TET3: variants seen among roughly 807,000 people sequenced by gnomAD.
The protein encoded by TET3 is tet methylcytosine dioxygenase 3.
Under a neutral mutation model 141.4 loss-of-function variants are expected in TET3, and 19 were observed. The observed-to-expected ratio is 0.13, with a 90% CI of 0.09 to 0.20. The LOEUF is 0.20. TET3 is among the 10% of genes least tolerant of loss of function. TET3 has a pLI of 1.00. For missense variants in TET3, 1,874 were observed against 2,356.9 expected (o/e 0.80, Z 4.24); for synonymous variants, 1,043 against 980.9 (o/e 1.06, Z -1.18).
At position 74,046,315 on chromosome 2, in the gene TET3, C is replaced by A; in HGVS notation, c.398C>A (p.Pro133Gln). ...SELSPVDGPV[P>Q]GQMDSGPVYH... is the part of the protein sequence containing the mutation. ...CTCAGCCCAGTTGATGGACCTGTTC[C>A]AGGTCAGATGGACTCAGGGCCAGTG... is the stretch of plus-strand genomic sequence containing the variant. Residue 133 changes from proline to glutamine, a missense_variant, in exon 4 of 12, where the codon CCA becomes CAA. Physicochemically the swap from Pro to Gln is moderately conservative, Grantham distance 76. Coordinates refer to ENST00000409262, the MANE Select transcript of TET3 (RefSeq NM_001287491.2). The surrounding 1 kb of genome is among the most constrained non-coding windows in gnomAD (Gnocchi z 4.3). 1 of 1,517,204 alleles carries A rather than the reference C, an allele frequency of 6.6e-7. No homozygotes were observed. The highest frequency in any genetic ancestry group is 8.8e-7 in the Non-Finnish European group (1 of 1,134,372). The allele number at this position is 1,517,204 out of a possible 1,614,324, so 94.0% of individuals were successfully genotyped here. A position where few individuals can be genotyped will look rare whatever the true frequency, so the allele number is the denominator to read the frequency against.
the TET3 span, chr2:74,122,162 A>C: frequency 6.6e-6 from 1 of 152,192 alleles, no homozygotes; most frequent in Non-Finnish European, 1.5e-5. Flanking sequence ...GTACAAAAGA[A>C]ATCTTCAAAT....
the TET3 span, chr2:74,123,129 G>C: frequency 6.6e-6 from 1 of 152,272 alleles, no homozygotes; most frequent in East Asian, 1.9e-4. Flanking sequence ...GAAAATGAAG[G>C]TGCTGCGTGA....
Position 74,101,437 on chromosome 2 carries a change from C to T in TET3, c.4649C>T (p.Pro1550Leu). The change falls in exon 12 of 12, where the codon CCT (proline) becomes CTT (leucine). Residue 1550 changes from proline (P) to leucine (L), a missense_variant. Physicochemically the swap from Pro to Leu is moderately conservative, Grantham distance 98. This residue lies in a region of TET3 where 602 missense variants were observed against 590.2 expected (regional missense o/e 1.02). Transcript: ENST00000409262. This position sits in a 1 kb window ranked among gnomAD's most constrained non-coding sequence, Gnocchi z 8.5. Reference protein sequence around the residue: ...GDFNSALKGSPGFQDKLWNPM... With the variant: ...GDFNSALKGSLGFQDKLWNPM... ...TTCAACTCGGCCCTGAAAGGTAGTC[C>T]TGGGTTCCAAGACAAGCTGTGGAAC... 6.2e-7 allele frequency: 1 copy of T among 1,613,898 alleles called. No individual in the cohort carries two copies. Among genetic ancestry groups the T allele is most frequent in the Middle Eastern group, 1.7e-4 (1 of 6,060 alleles).
rs1691413037 is a variant in TET3, at chr2:74,104,834, T to C, written c.*2658T>C. The C allele has an allele frequency of 4.4e-6, 1 of 229,132 alleles. No individual in the cohort carries two copies. Among genetic ancestry groups the C allele is most frequent in the Admixed American group, 5.7e-5 (1 of 17,444 alleles). 14.2% of individuals were successfully genotyped at this position (229,132 alleles called of 1,614,324 possible). ...GTTCATCAGTTTCTGCAGTAGGAGA[T>C]AGGCTGCTGAGAGGTGAGTCAAGAG... On this transcript the variant is annotated 3_prime_UTR_variant, in exon 12 of 12. Coordinates refer to ENST00000409262, the MANE Select transcript of TET3 (RefSeq NM_001287491.2).
At chr2:74,057,729 T>G (rs1688292372) in intron 4 of TET3, among the ~76,000 whole-genome samples, 1 of 152,202 alleles carries the variant, frequency 6.6e-6, no homozygotes, top group Non-Finnish European at 1.5e-5. Flanking sequence ...AAGGAGCTAG[T>G]TGATCCAAAA....
chr2:74,007,726 G>A (rs1025329856), intron 3 of TET3, among the ~76,000 whole-genome samples: 6 of 152,212 alleles, frequency 3.9e-5, no homozygotes. Context: ...TTGGACTTCA[G>A]CTTTCTGGGT....
At chr2:74,001,576 G>A (rs1002703808) in intron 2 of TET3, among the ~76,000 whole-genome samples, 2 of 152,226 alleles carry the variant, frequency 1.3e-5, no homozygotes, top group Admixed American at 1.3e-4. Flanking sequence ...ACCAAAGTGT[G>A]TGGAAGTCGC....
rs1201940805 is a variant in TET3, at chr2:74,031,368, ACT to A, written c.361-14906_361-14905del. Among the ~76,000 whole-genome samples, 18 of 151,836 alleles carry A rather than the reference ACT, an allele frequency of 1.2e-4. No homozygotes were observed. The East Asian group carries it at 3.5e-3, about 29-fold the overall frequency. On this transcript the variant is annotated intron_variant, in intron 3 of 11. Coordinates refer to ENST00000409262, the MANE Select transcript of TET3 (RefSeq NM_001287491.2). ...CCCCGTGGCCTTCCTCATCACCCCGACTCTCAGAAACAGATAATGGTTGCGCA... is the reference window on the plus strand; with the variant it reads ...CCCCGTGGCCTTCCTCATCACCCCGACTCAGAAACAGATAATGGTTGCGCA...
intron 2 of TET3, among the ~76,000 whole-genome samples, chr2:73,997,296 T>C (rs1684642720): frequency 6.6e-6 from 1 of 152,210 alleles, no homozygotes; most frequent in East Asian, 1.9e-4. Context: ...GAGTTTTTCT[T>C]CTGGGGAGGA....
chr2:74,127,164 T>A, the TET3 span, among the ~76,000 whole-genome samples: 1 of 152,168 alleles, frequency 6.6e-6, no homozygotes, highest in Non-Finnish European at 1.5e-5. Context: ...AATGAGGGGA[T>A]CAGAAGCTGG....
intron 4 of TET3, among the ~76,000 whole-genome samples, chr2:74,060,129 G>T (rs1688425039): frequency 6.6e-6 from 1 of 152,210 alleles, no homozygotes; most frequent in African/African-American, 2.4e-5. Flanking sequence ...GCTCCCACCA[G>T]CATTGCTCCA....
At position 74,087,639 on chromosome 2, in the gene TET3, T is replaced by C. The variant is rs2104062514; in HGVS notation, c.2680-191T>C. 6.6e-6 allele frequency among the ~76,000 whole-genome samples: 1 copy of C among 152,348 alleles called. No individual in the cohort carries two copies. The highest frequency in any genetic ancestry group is 6.5e-5 in the Admixed American group (1 of 15,312). The stretch of plus-strand genomic sequence containing the variant: ...TGTTCCCTAACAAAACATTTGTTCC[T>C]AATAATGTTCCCTATTTGTTCCCTA... On this transcript the variant is annotated intron_variant, in intron 6 of 11. Transcript: ENST00000409262. The surrounding 1 kb of genome is among the most constrained non-coding windows in gnomAD (Gnocchi z 4.3).
intron 3 of TET3, among the ~76,000 whole-genome samples, chr2:74,040,964 G>A (rs534123504): frequency 2.2e-4 from 34 of 152,302 alleles, no homozygotes; most frequent in African/African-American, 8.2e-4. Flanking sequence ...GAGGGGAAAA[G>A]CGGAGGGTTT....
chr2:74,045,409 CAG>C (rs1687563789), intron 3 of TET3, among the ~76,000 whole-genome samples: 1 of 152,324 alleles, frequency 6.6e-6, no homozygotes, highest in East Asian at 1.9e-4. Flanking sequence ...TAGCATTCTA[CAG>C]TAAGGAAGAG....
the TET3 span, among the ~76,000 whole-genome samples, chr2:74,132,498 CTGCCTCAGCCTCCAGA>C: frequency 6.6e-6 from 1 of 152,202 alleles, no homozygotes; most frequent in Non-Finnish European, 1.5e-5. Flanking sequence ...AGTGATCCTG[CTGCCTCAGCCTCCAGA>C]GTTGCTAGGG....
At chr2:73,988,900 A>G (rs1194396080) in intron 2 of TET3, among the ~76,000 whole-genome samples, 1 of 148,656 alleles carries the variant, frequency 6.7e-6, no homozygotes. Context: ...GTGAAGGTGT[A>G]ATAGAAATTA....
intron 3 of TET3, among the ~76,000 whole-genome samples, chr2:74,008,884 C>T (rs1463224398): frequency 1.3e-5 from 2 of 152,122 alleles, no homozygotes; most frequent in African/African-American, 4.8e-5. Flanking sequence ...GGAACTTTTA[C>T]GCCCTTGGTG....
chr2:73,992,414 A>G (rs1684377599), intron 2 of TET3, among the ~76,000 whole-genome samples: 1 of 151,440 alleles, frequency 6.6e-6, no homozygotes, highest in Non-Finnish European at 1.5e-5. Context: ...CCCCGGTTCA[A>G]GCGATTCTCC....
At chr2:74,027,301 AG>A (rs1686419353) in intron 3 of TET3, among the ~76,000 whole-genome samples, 3 of 149,758 alleles carry the variant, frequency 2.0e-5, no homozygotes, top group African/African-American at 7.4e-5. Context: ...TTAGCCTTTT[AG>A]ACTTTCGGGG....
Sources: gnomAD v4.1 joint callset for allele counts (sites outside exome capture counted in the v4.1 genomes callset) on GRCh38, gnomAD v4.1.1 for gene constraint, gnomAD v4.1.1 regional missense constraint, Gnocchi (gnomAD v3.1) non-coding constraint, MANE v1.5 for transcripts, NCBI Gene and HGNC (gene_info 2026-07-23, HGNC 2026-07-21) for gene names.